The following SHC3 variants were observed in gnomAD, a reference collection of about 807,000 sequenced individuals.
SHC3 encodes the protein SHC adaptor protein 3.
Under a neutral mutation model 60.4 loss-of-function variants are expected in SHC3, and 15 were observed. That is an observed-to-expected ratio of 0.25 (90% CI 0.17 to 0.38). The LOEUF (loss-of-function observed/expected upper bound fraction) is 0.38, where lower values mean the gene tolerates loss of function less well. Among genes scored for constraint, SHC3 ranks in the 10% least tolerant of loss-of-function variants. The pLI, the probability that SHC3 is intolerant of heterozygous loss-of-function variation, is 1.00. For synonymous variants in SHC3, 294 were observed against 325.9 expected (o/e 0.90, Z 1.05); for missense variants, 677 against 786.1 (o/e 0.86, Z 1.66).
chr9:89,097,158 G>T (rs1825717100), intron 2 of SHC3, among the ~76,000 whole-genome samples: 2 of 149,058 alleles, frequency 1.3e-5, no homozygotes, highest in African/African-American at 4.9e-5. Context: ...CATCTCCTCA[G>T]AGGAGGCGGG....
At chr9:89,165,959 A>G (rs1042791098) in intron 1 of SHC3, among the ~76,000 whole-genome samples, 17 of 152,060 alleles carry the variant, frequency 1.1e-4, no homozygotes, top group Non-Finnish European at 2.2e-4. Context: ...CTCCACACAG[A>G]AGGTAGAATA....
At chr9:89,022,996 T>G (rs78396209) in intron 11 of SHC3, among the ~76,000 whole-genome samples, 6,791 of 152,358 alleles carry the variant, frequency 0.045, 230 homozygotes, top group Non-Finnish European at 0.07. Context: ...AACTGAGGTC[T>G]CACAACAACC....
At chr9:89,133,548 T>C (rs1826279140) in intron 1 of SHC3, among the ~76,000 whole-genome samples, 1 of 152,114 alleles carries the variant, frequency 6.6e-6, no homozygotes, top group Non-Finnish European at 1.5e-5. Context: ...TAAGAAAAGG[T>C]GGCACATATA....
chr9:89,034,088 A>G (rs1824533833), intron 11 of SHC3, among the ~76,000 whole-genome samples: 1 of 152,250 alleles, frequency 6.6e-6, no homozygotes, highest in Non-Finnish European at 1.5e-5. Flanking sequence ...ACAGGATTAC[A>G]ACATCAGAAA....
intron 1 of SHC3, among the ~76,000 whole-genome samples, 168 bp downstream of exon 1, chr9:89,177,819 C>T (rs1215678154): frequency 6.6e-6 from 1 of 152,256 alleles, no homozygotes; most frequent in Non-Finnish European, 1.5e-5. Context: ...TTGTAGTTCC[C>T]TCCTCACCGC....
Position 89,038,074 on chromosome 9 carries a change from G to T in SHC3, c.1575C>A (p.Thr525=), listed in dbSNP as rs751889720. The change falls in exon 11 of 12, where the codon ACC becomes ACA. Residue 525 remains threonine (T), a synonymous_variant. Transcript: ENST00000375835. ...TGAGGACAAAGGAGCCCGGGTTGGT[G>T]GTGCTCTTCCTGACCAGGAAGTCTC... ...KDGDFLVRKS[T]TNPGSFVLTG... 2.3e-5 allele frequency: 37 copies of T among 1,613,942 alleles called. No homozygotes were observed. Among genetic ancestry groups the T allele is most frequent in the East Asian group, 4.5e-5 (2 of 44,878 alleles).
At chr9:89,132,956 A>G (rs1332168796) in intron 1 of SHC3, among the ~76,000 whole-genome samples, 4 of 152,206 alleles carry the variant, frequency 2.6e-5, no homozygotes, top group South Asian at 2.1e-4. Context: ...AGAAACTACC[A>G]TCAGAGTGAA....
intron 9 of SHC3, among the ~76,000 whole-genome samples, chr9:89,045,232 G>A (rs1824752369): frequency 1.3e-5 from 2 of 151,992 alleles, no homozygotes; most frequent in South Asian, 2.1e-4. Context: ...TGGAGCTGCA[G>A]GGAGGCACTA....
intron 1 of SHC3, among the ~76,000 whole-genome samples, chr9:89,124,639 AGAACACAT>A (rs1238579878): frequency 6.6e-6 from 1 of 152,174 alleles, no homozygotes; most frequent in Admixed American, 6.5e-5. Flanking sequence ...TTGAACAACA[AGAACACAT>A]GAACACAGGG....
At chr9:89,084,096 C>A (rs1825489638) in intron 2 of SHC3, among the ~76,000 whole-genome samples, 1 of 152,114 alleles carries the variant, frequency 6.6e-6, no homozygotes, top group Non-Finnish European at 1.5e-5. Context: ...GTCATTTGAC[C>A]AAGATGTGTT....
rs1262369975 is a variant in SHC3, at chr9:89,013,418, G to A, written c.*29C>T. The A allele has an allele frequency of 1.3e-6, 2 of 1,539,102 alleles. No homozygotes were observed. Among genetic ancestry groups the A allele is most frequent in the Non-Finnish European group, 1.8e-6 (2 of 1,141,518 alleles). On this transcript the variant is annotated 3_prime_UTR_variant, in exon 12 of 12. Transcript: ENST00000375835. ...CCACTCCAGGTCCTCCTGACCTGGTGCGCAGTGCTGGGAGCAGTGCTGGCC... is the reference window on the plus strand; with the variant it reads ...CCACTCCAGGTCCTCCTGACCTGGTACGCAGTGCTGGGAGCAGTGCTGGCC...
chr9:89,145,788 G>A (rs1242327627), intron 1 of SHC3, among the ~76,000 whole-genome samples: 1 of 152,154 alleles, frequency 6.6e-6, no homozygotes, highest in Non-Finnish European at 1.5e-5. Context: ...GGGAATAGGG[G>A]ATTAGTATTA....
At chr9:89,027,225 A>C (rs576447452) in intron 11 of SHC3, among the ~76,000 whole-genome samples, 31 of 152,264 alleles carry the variant, frequency 2.0e-4, no homozygotes, top group Admixed American at 5.2e-4. Context: ...CCAGTTATTA[A>C]GTGAGCATGA....
rs149497834 is a variant in SHC3 at position 89,046,317 on chromosome 9, T to A, written c.1114-484A>T. ...AACGTTATTTTGCCATTTTTAGTGG[T>A]GTCATTATCATTCACATAAGGTAGT... is the stretch of plus-strand genomic sequence containing the variant. On this transcript the variant is annotated intron_variant, in intron 8 of 11. Transcript: ENST00000375835. Among the ~76,000 whole-genome samples, 394 of 152,152 alleles carry A rather than the reference T, an allele frequency of 2.6e-3. 3 individuals carry two copies. The highest frequency in any genetic ancestry group is 5.4e-3 in the East Asian group (28 of 5,168).
intron 3 of SHC3, among the ~76,000 whole-genome samples, chr9:89,077,046 G>C (rs187435853): frequency 2.0e-5 from 3 of 151,618 alleles, no homozygotes; most frequent in Admixed American, 1.3e-4. Flanking sequence ...GCATGGTGGC[G>C]CACACCTGTA....
At chr9:89,126,244 G>A (rs1281517304) in intron 1 of SHC3, among the ~76,000 whole-genome samples, 1 of 152,058 alleles carries the variant, frequency 6.6e-6, no homozygotes, top group African/African-American at 2.4e-5. Context: ...AAACAAAGTG[G>A]GTTAAAGGCC....
chr9:89,106,113 G>T (rs1270680438), intron 2 of SHC3, among the ~76,000 whole-genome samples: 1 of 152,148 alleles, frequency 6.6e-6, no homozygotes, highest in Non-Finnish European at 1.5e-5. Flanking sequence ...GAGGACCCCA[G>T]CCCTAGAGAG....
chr9:89,157,016 C>A (rs1183398879), intron 1 of SHC3, among the ~76,000 whole-genome samples: 1 of 152,092 alleles, frequency 6.6e-6, no homozygotes, highest in African/African-American at 2.4e-5. Context: ...CCTCCATAAA[C>A]CCTTACGTTT....
At chr9:89,081,355 G>A (rs929722801) in intron 2 of SHC3, among the ~76,000 whole-genome samples, 4 of 152,262 alleles carry the variant, frequency 2.6e-5, no homozygotes, top group African/African-American at 9.6e-5. Context: ...CCAGAATGCA[G>A]ATTAAAGCCT....
Sources: allele counts gnomAD v4.1 joint callset (sites outside exome capture counted in the v4.1 genomes callset), GRCh38; gene constraint gnomAD v4.1.1; transcripts MANE v1.5; gene names NCBI Gene and HGNC (gene_info 2026-07-23, HGNC 2026-07-21).